Variants in WSCD1 observed in about 807,000 individuals in gnomAD.
WSCD1 encodes WSC domain sialate O sulfotransferase 1, also known as sialate:O-sulfotransferase 1.
In WSCD1, 41 loss-of-function variants were observed where a neutral mutation model predicts 60.4. The ratio of observed to expected loss-of-function variants is 0.68; its 90% CI spans 0.53 to 0.88. The LOEUF (loss-of-function observed/expected upper bound fraction) is 0.88, where lower values mean the gene tolerates loss of function less well. Ranked by LOEUF, WSCD1 falls within the 40% of genes least tolerant of loss-of-function variation. WSCD1 has a pLI of 0.00. For synonymous variants in WSCD1, 361 were observed against 332.5 expected (o/e 1.09, Z -0.93); for missense variants, 784 against 796.2 (o/e 0.98, Z 0.18).
Position 6,080,628 on chromosome 17 carries a change from G to T in WSCD1, c.-31G>T. The T allele has an allele frequency of 6.2e-7, 1 of 1,609,072 alleles. No individual in the cohort carries two copies. On this transcript the variant is annotated 5_prime_UTR_variant, in exon 2 of 9. Coordinates refer to ENST00000317744, the MANE Select transcript of WSCD1 (RefSeq NM_015253.2). The surrounding 1 kb of genome is among the most constrained non-coding windows in gnomAD (Gnocchi z 6.6). ...CCTGGGCGCTAGGAGCCATCCCGGG[G>T]CTCCAGCCAGGAGCCCTGCTGCCCA...
Position 6,090,387 on chromosome 17 carries a change from G to A in WSCD1, c.609G>A (p.Val203=). ...ECYCGNRLPA[V]SVGLEECNHE... is the part of the protein sequence containing the mutation. ...ACTGCGGGAACCGGCTGCCAGCGGTGAGCGTGGGGCTGGAAGAGTGTAACC... is the reference window on the plus strand; with the variant it reads ...ACTGCGGGAACCGGCTGCCAGCGGTAAGCGTGGGGCTGGAAGAGTGTAACC... Residue 203 remains valine (V), a synonymous_variant, in exon 4 of 9, where the codon GTG becomes GTA. Transcript: ENST00000317744. The A allele has an allele frequency of 6.2e-7, 1 of 1,610,008 alleles. No homozygotes were observed. The highest frequency in any genetic ancestry group is 8.5e-7 in the Non-Finnish European group (1 of 1,178,458).
chr17:6,074,401 G>A (rs888625866), intron 1 of WSCD1, among the ~76,000 whole-genome samples: 1 of 152,188 alleles, frequency 6.6e-6, no homozygotes, highest in Non-Finnish European at 1.5e-5. Context: ...CCTGAGCATC[G>A]AAGGATGTCC....
chr17:6,102,236 C>T (rs541460802), intron 5 of WSCD1, among the ~76,000 whole-genome samples: 3 of 152,212 alleles, frequency 2.0e-5, no homozygotes, highest in Non-Finnish European at 4.4e-5. Context: ...TAATATGGAA[C>T]CTGTTTGTTC....
Position 6,080,854 on chromosome 17 carries a change from T to C in WSCD1, c.196T>C (p.Leu66=), listed in dbSNP as rs1332867848. 2 of 1,606,432 alleles carry C rather than the reference T, an allele frequency of 1.2e-6. No individual in the cohort carries two copies. Among genetic ancestry groups the C allele is most frequent in the Admixed American group, 1.7e-5 (1 of 59,626 alleles). The change falls in exon 2 of 9, where the codon TTG becomes CTG. Residue 66 remains leucine (L), a synonymous_variant. Coordinates refer to ENST00000317744, the MANE Select transcript of WSCD1 (RefSeq NM_015253.2). The surrounding 1 kb of genome is among the most constrained non-coding windows in gnomAD (Gnocchi z 6.6). ...PVAAVALGVG[L]LDSRALHDPR... ...GGCCGCCGTGGCGCTGGGCGTGGGC[T>C]TGCTGGACAGCAGAGCCCTGCACGA...
In WSCD1 at chr17:6,110,990, A is replaced by G; in HGVS notation, c.1174+55A>G. 1 of 1,541,786 alleles carries G rather than the reference A, an allele frequency of 6.5e-7. No individual in the cohort carries two copies. The highest frequency in any genetic ancestry group is 8.8e-7 in the Non-Finnish European group (1 of 1,139,868). On this transcript the variant is annotated intron_variant, in intron 7 of 8. Transcript: ENST00000317744. This position sits in a 1 kb window ranked among gnomAD's most constrained non-coding sequence, Gnocchi z 4.8. ...GGCAGCTCCCGGTGACCAAACTGTCACCTTGCCAGCCAAGCTTCTCAGAGC... is the reference window on the plus strand; with the variant it reads ...GGCAGCTCCCGGTGACCAAACTGTCGCCTTGCCAGCCAAGCTTCTCAGAGC...
intron 4 of WSCD1, among the ~76,000 whole-genome samples, chr17:6,091,239 A>G (rs1910020559): frequency 6.6e-6 from 1 of 152,212 alleles, no homozygotes; most frequent in African/African-American, 2.4e-5. Context: ...TAATCAGAAA[A>G]TTCCCTAACT....
chr17:6,105,657 A>G (rs1911045284), intron 5 of WSCD1, among the ~76,000 whole-genome samples: 1 of 152,212 alleles, frequency 6.6e-6, no homozygotes, highest in South Asian at 2.1e-4. Context: ...TGACAGTTTA[A>G]TCCACTCAAG....
At chr17:6,086,266 T>C (rs1268850259) in intron 2 of WSCD1, among the ~76,000 whole-genome samples, 1 of 144,938 alleles carries the variant, frequency 6.9e-6, no homozygotes, top group East Asian at 2.0e-4. Context: ...TATATATATA[T>C]ATATATATAC....
chr17:6,101,401 G>A lies in WSCD1; in HGVS notation c.849+6178G>A, dbSNP rs1488858026. On this transcript the variant is annotated intron_variant, in intron 5 of 8. Transcript: ENST00000317744. This position sits in a 1 kb window ranked among gnomAD's most constrained non-coding sequence, Gnocchi z 4.1. ...TAATTAGAGCTGGCCGGGCAGTGGG[G>A]CTGGGAGCAGCAGATGTGAGAGGTG... Among the ~76,000 whole-genome samples, 1 of 152,170 alleles carries A rather than the reference G, an allele frequency of 6.6e-6. No homozygotes were observed. Among genetic ancestry groups the A allele is most frequent in the African/African-American group, 2.4e-5 (1 of 41,416 alleles).
At chr17:6,077,810 G>C (rs1293003500) in intron 1 of WSCD1, 1 of 152,184 alleles carries the variant, frequency 6.6e-6, no homozygotes, top group Non-Finnish European at 1.5e-5. Flanking sequence ...TTCACAGCAG[G>C]AGTGCTACCC....
chr17:6,113,380 T>G, intron 7 of WSCD1, among the ~76,000 whole-genome samples: 1 of 152,168 alleles, frequency 6.6e-6, no homozygotes, highest in East Asian at 1.9e-4. Flanking sequence ...GACCCAAATC[T>G]ATTAAACTGC....
rs147097441 is a variant in WSCD1 at position 6,075,581 on chromosome 17, G to C, written c.-288-4790G>C. 6.0e-4 allele frequency among the ~76,000 whole-genome samples: 91 copies of C among 152,248 alleles called. No homozygotes were observed. Among genetic ancestry groups the C allele is most frequent in the African/African-American group, 2.2e-3 (91 of 41,544 alleles). ...GAATATCCAGGTGCTCTGGGCTCCT[G>C]CTCCCTCCCTGAGACTTCCAGAAGC... is the stretch of plus-strand genomic sequence containing the variant. On this transcript the variant is annotated intron_variant, in intron 1 of 8. Transcript: ENST00000317744. The surrounding 1 kb of genome is among the most constrained non-coding windows in gnomAD (Gnocchi z 4.1).
rs1909197727 is a variant in WSCD1 at position 6,080,829 on chromosome 17, G to A, written c.171G>A (p.Val57=). 2 of 1,608,144 alleles carry A rather than the reference G, an allele frequency of 1.2e-6. No homozygotes were observed. Among genetic ancestry groups the A allele is most frequent in the African/African-American group, 2.7e-5 (2 of 74,990 alleles). Residue 57 remains valine, a synonymous_variant, in exon 2 of 9, where the codon GTG becomes GTA. Coordinates refer to ENST00000317744, the MANE Select transcript of WSCD1 (RefSeq NM_015253.2). This position sits in a 1 kb window ranked among gnomAD's most constrained non-coding sequence, Gnocchi z 6.6. ...RAPGPLQTLP[V]AAVALGVGLL... is the part of the protein sequence containing the mutation. ...CCGGCCCCCTGCAGACCTTGCCAGT[G>A]GCCGCCGTGGCGCTGGGCGTGGGCT...
At position 6,101,346 on chromosome 17, in the gene WSCD1, G is replaced by T. The variant is rs1299762056; in HGVS notation, c.849+6123G>T. On this transcript the variant is annotated intron_variant, in intron 5 of 8. Coordinates refer to ENST00000317744, the MANE Select transcript of WSCD1 (RefSeq NM_015253.2). The surrounding 1 kb of genome is among the most constrained non-coding windows in gnomAD (Gnocchi z 4.1). The stretch of plus-strand genomic sequence containing the variant: ...ACAGTAGAATGTTAAATGGGGCAGA[G>T]CTGAGCCTGGGGGTAGGAAGCTAGG... Among the ~76,000 whole-genome samples, 2 of 152,186 alleles carry T rather than the reference G, an allele frequency of 1.3e-5. No individual in the cohort carries two copies. The highest frequency in any genetic ancestry group is 2.4e-5 in the African/African-American group (1 of 41,446).
intron 8 of WSCD1, among the ~76,000 whole-genome samples, 188 bp from the exon 9 acceptor site, chr17:6,120,120 TG>T (rs1904566893): frequency 6.6e-6 from 1 of 152,220 alleles, no homozygotes; most frequent in Non-Finnish European, 1.5e-5. Context: ...TGCCCAGAGC[TG>T]CCCCCACCCA....
At chr17:6,094,524 A>T (rs1054524115) in intron 4 of WSCD1, among the ~76,000 whole-genome samples, 9 of 151,538 alleles carry the variant, frequency 5.9e-5, no homozygotes, top group African/African-American at 1.9e-4. Context: ...TAAAAGCACC[A>T]TCCAAATTTG....
intron 4 of WSCD1, among the ~76,000 whole-genome samples, chr17:6,093,724 G>A (rs957060465): frequency 1.3e-5 from 2 of 152,230 alleles, no homozygotes; most frequent in South Asian, 2.1e-4. Context: ...GGGGATGTGC[G>A]TGGGTATACA....
chr17:6,111,594 A>G (rs1911410613), intron 7 of WSCD1, among the ~76,000 whole-genome samples: 1 of 151,236 alleles, frequency 6.6e-6, no homozygotes, highest in Admixed American at 6.6e-5. Flanking sequence ...CCAGCTACTC[A>G]GGAGGCTGAG....
In WSCD1 at chr17:6,090,371, A is replaced by C. The variant is rs1597357393; in HGVS notation, c.593A>C (p.Asn198Thr). The change falls in exon 4 of 9, where the codon AAC (asparagine) becomes ACC (threonine). Residue 198 changes from asparagine to threonine, a missense_variant. Physicochemically the swap from Asn to Thr is moderately conservative, Grantham distance 65. Coordinates refer to ENST00000317744, the MANE Select transcript of WSCD1 (RefSeq NM_015253.2). Reference sequence around the variant, plus strand: ...GCCGGGGCGGAGTGTTACTGCGGGAACCGGCTGCCAGCGGTGAGCGTGGGG... The same window carrying C: ...GCCGGGGCGGAGTGTTACTGCGGGACCCGGCTGCCAGCGGTGAGCGTGGGG... ...LEAGAECYCG[N>T]RLPAVSVGLE... The C allele has an allele frequency of 1.9e-6, 3 of 1,609,900 alleles. No individual in the cohort carries two copies. Among genetic ancestry groups the C allele is most frequent in the Non-Finnish European group, 2.5e-6 (3 of 1,178,336 alleles).
Sources: gnomAD v4.1 joint callset for allele counts (sites outside exome capture counted in the v4.1 genomes callset) on GRCh38, gnomAD v4.1.1 for gene constraint, Gnocchi (gnomAD v3.1) non-coding constraint, MANE v1.5 for transcripts, NCBI Gene and HGNC (gene_info 2026-07-23, HGNC 2026-07-21) for gene names.